Variants in PBX1 observed in about 807,000 individuals in gnomAD.
PBX1 encodes the protein PBX homeobox 1.
In PBX1, 6 loss-of-function variants were observed where a neutral mutation model predicts 53.4. That is an observed-to-expected ratio of 0.11 (90% confidence interval 0.06 to 0.22). PBX1 has a LOEUF of 0.22. Among genes scored for constraint, PBX1 ranks in the 10% least tolerant of loss-of-function variants. The pLI is 1.00. For synonymous variants in PBX1, 204 were observed against 212.3 expected, an observed-to-expected ratio of 0.96 and a Z score of 0.34; for missense variants, 251 against 551.4, an observed-to-expected ratio of 0.46 and a Z score of 5.46.
chr1:164,565,252 A>G (rs1432670176), intron 2 of PBX1, among the ~76,000 whole-genome samples: 1 of 152,206 alleles, frequency 6.6e-6, no homozygotes, highest in Non-Finnish European at 1.5e-5. Context: ...TCAAAGTAAC[A>G]TTCTAAAAGT....
intron 8 of PBX1, among the ~76,000 whole-genome samples, chr1:164,831,721 G>T (rs1185145983): frequency 6.6e-6 from 1 of 152,094 alleles, no homozygotes; most frequent in East Asian, 1.9e-4. Context: ...TTGTTTTCTT[G>T]TGTCTACCTC....
intron 2 of PBX1, among the ~76,000 whole-genome samples, chr1:164,624,440 C>G (rs1571092324): frequency 6.6e-6 from 1 of 152,192 alleles, no homozygotes; most frequent in Admixed American, 6.5e-5. Flanking sequence ...GTCATTTTCT[C>G]TCAATGAAAG....
chr1:164,754,335 T>G (rs1023472385), intron 2 of PBX1, among the ~76,000 whole-genome samples: 1 of 152,188 alleles, frequency 6.6e-6, no homozygotes, highest in Admixed American at 6.5e-5. Flanking sequence ...AGAGCCGCAG[T>G]AGGAGCCAAG....
intron 3 of PBX1, among the ~76,000 whole-genome samples, chr1:164,793,050 T>C (rs1001044293): frequency 3.3e-5 from 5 of 152,186 alleles, no homozygotes; most frequent in Admixed American, 3.3e-4. Context: ...AACGTGTGTC[T>C]GTGATGTGCA....
intron 2 of PBX1, among the ~76,000 whole-genome samples, chr1:164,576,021 A>G (rs897762809): frequency 6.6e-6 from 1 of 152,220 alleles, no homozygotes; most frequent in African/African-American, 2.4e-5. Context: ...CCCAGCAACA[A>G]TAAAACCCAA....
intron 2 of PBX1, among the ~76,000 whole-genome samples, chr1:164,754,198 A>G (rs890184056): frequency 2.0e-5 from 3 of 152,118 alleles, no homozygotes; most frequent in Non-Finnish European, 2.9e-5. Context: ...TGCTCATGGG[A>G]AAAAGCAGAG....
At chr1:164,754,516 A>G (rs1441551412) in intron 2 of PBX1, among the ~76,000 whole-genome samples, 3 of 152,224 alleles carry the variant, frequency 2.0e-5, no homozygotes, top group Non-Finnish European at 1.5e-5. Context: ...TTGTTTCAAC[A>G]CGTAAAACTG....
intron 2 of PBX1, among the ~76,000 whole-genome samples, chr1:164,614,216 G>GT (rs1175673412): frequency 2.0e-5 from 3 of 152,182 alleles, no homozygotes; most frequent in Non-Finnish European, 4.4e-5. Context: ...ATTAGAGCAT[G>GT]TTTTCGAGAC....
chr1:164,645,109 T>A (rs1465448170), intron 2 of PBX1, among the ~76,000 whole-genome samples: 2 of 152,232 alleles, frequency 1.3e-5, no homozygotes, highest in Non-Finnish European at 2.9e-5. Flanking sequence ...TCTATCGATT[T>A]CTTTCTACCC....
intron 2 of PBX1, among the ~76,000 whole-genome samples, chr1:164,659,698 C>T (rs578142036): frequency 2.0e-5 from 3 of 152,284 alleles, no homozygotes; most frequent in African/African-American, 7.2e-5. Context: ...TAAGCAAGAG[C>T]ACTAAGCTTG....
chr1:164,823,182 T>C (rs573945840), intron 8 of PBX1, among the ~76,000 whole-genome samples: 6 of 152,302 alleles, frequency 3.9e-5, no homozygotes, highest in Admixed American at 3.3e-4. Context: ...GACAGAGAGA[T>C]TCTTCCCATC....
chr1:164,762,481 C>G (rs992596264), intron 2 of PBX1, among the ~76,000 whole-genome samples: 5 of 152,200 alleles, frequency 3.3e-5, no homozygotes, highest in Admixed American at 3.3e-4. Context: ...ATTTGACATA[C>G]TTTAAAAAAT....
In PBX1 at chr1:164,563,330, C is replaced by T. The variant is rs1391193674; in HGVS notation, c.265+19C>T. The T allele has an allele frequency of 6.5e-6, 10 of 1,529,672 alleles. No individual in the cohort carries two copies. The highest frequency in any genetic ancestry group is 9.0e-6 in the Non-Finnish European group (10 of 1,107,956). The allele number at this position is 1,529,672 out of a possible 1,614,324, so 94.8% of individuals were successfully genotyped here. ...AAAACAGGTAGGAATGAGATTCCAA[C>T]ATTTTAGCATTTTCTTTGGCCAATT... On this transcript the variant is annotated intron_variant, in intron 2 of 8. Coordinates refer to ENST00000420696, the MANE Select transcript of PBX1 (RefSeq NM_002585.4).
At chr1:164,636,716 T>G (rs1359318944) in intron 2 of PBX1, among the ~76,000 whole-genome samples, 2 of 152,182 alleles carry the variant, frequency 1.3e-5, no homozygotes, top group East Asian at 3.9e-4. Flanking sequence ...AACTTTCTTC[T>G]CAACTTGGCT....
At chr1:164,804,036 G>T (rs937349639) in intron 4 of PBX1, among the ~76,000 whole-genome samples, 1 of 151,932 alleles carries the variant, frequency 6.6e-6, no homozygotes, top group African/African-American at 2.4e-5. Context: ...ATATATTATT[G>T]TACATTGTTA....
At chr1:164,681,029 C>G (rs1342273968) in intron 2 of PBX1, among the ~76,000 whole-genome samples, 1 of 152,050 alleles carries the variant, frequency 6.6e-6, no homozygotes, top group Non-Finnish European at 1.5e-5. Flanking sequence ...TTTGGGAGGC[C>G]ATGGGAAGAG....
chr1:164,755,727 G>A (rs1430245830), intron 2 of PBX1, among the ~76,000 whole-genome samples: 3 of 152,112 alleles, frequency 2.0e-5, no homozygotes, highest in Non-Finnish European at 4.4e-5. Flanking sequence ...TTGCAGAGAT[G>A]GATGAGACTT....
intron 2 of PBX1, among the ~76,000 whole-genome samples, chr1:164,583,299 A>G (rs1435438387): frequency 2.0e-5 from 3 of 151,632 alleles, no homozygotes; most frequent in Non-Finnish European, 4.4e-5. Context: ...AAAAAAAAGA[A>G]TAATAGGGCA....
intron 2 of PBX1, among the ~76,000 whole-genome samples, chr1:164,732,679 C>A (rs1304092769): frequency 6.6e-6 from 1 of 152,078 alleles, no homozygotes; most frequent in Non-Finnish European, 1.5e-5. Flanking sequence ...TCTCTCTGTT[C>A]TGCATAAAGA....
Sources: allele counts gnomAD v4.1 joint callset (sites outside exome capture counted in the v4.1 genomes callset), GRCh38; gene constraint gnomAD v4.1.1; transcripts MANE v1.5; gene names NCBI Gene and HGNC (gene_info 2026-07-23, HGNC 2026-07-21).